FRYL: variants seen among roughly 807,000 people sequenced by gnomAD.
The protein encoded by FRYL is FRY like transcription coactivator, also known as protein furry homolog-like.
FRYL carries 150 observed loss-of-function variants against 351.2 expected under a neutral mutation model. The observed-to-expected ratio is 0.43, with a 90% confidence interval of 0.37 to 0.49. FRYL has a LOEUF of 0.49. Ranked by LOEUF, FRYL falls within the 20% of genes least tolerant of loss-of-function variation. The probability of loss-of-function intolerance (pLI) is 0.00; values close to 1 mark genes in which losing one functional copy is unlikely to be tolerated. For synonymous variants in FRYL, 1,153 were observed against 1,257.1 expected, an observed-to-expected ratio of 0.92 and a Z score of 1.75; for missense variants, 3,036 against 3,619.3, an observed-to-expected ratio of 0.84 and a Z score of 4.13.
chr4:48,608,906 T>C (rs940994745), intron 9 of FRYL, 81 bp downstream of exon 9: 5 of 843,364 alleles, frequency 5.9e-6, no homozygotes, highest in African/African-American at 1.7e-5. Context: ...GATTTCGAAC[T>C]ATCAGTATCT....
chr4:48,532,891 A>G (rs1181524338), intron 49 of FRYL, among the ~76,000 whole-genome samples: 1 of 152,214 alleles, frequency 6.6e-6, no homozygotes, highest in African/African-American at 2.4e-5. Context: ...AGCAGCTGTG[A>G]TGAGCCATCA....
chr4:48,535,247 T>C (rs1458416770), intron 48 of FRYL, among the ~76,000 whole-genome samples: 1 of 152,112 alleles, frequency 6.6e-6, no homozygotes, highest in Non-Finnish European at 1.5e-5. Context: ...CCTAATTTTG[T>C]AGAAATAAAA....
chr4:48,720,505 A>AAAAT (rs1287649733), intron 1 of FRYL, among the ~76,000 whole-genome samples: 4 of 152,126 alleles, frequency 2.6e-5, no homozygotes, highest in East Asian at 1.9e-4. Context: ...CTCAAAAAAT[A>AAAAT]AAATAAATAA....
intron 55 of FRYL, 37 bp from the exon 56 acceptor site, chr4:48,515,312 C>T (rs1000233150): frequency 1.2e-5 from 18 of 1,475,372 alleles, no homozygotes; most frequent in Non-Finnish European, 1.7e-5. Flanking sequence ...ACTATAAACA[C>T]ATAAAAAAAG....
chr4:48,505,770 A>T, intron 59 of FRYL, 155 bp from the exon 60 acceptor site: 1 of 540,324 alleles, frequency 1.9e-6, no homozygotes, highest in Non-Finnish European at 3.3e-6. Flanking sequence ...TCAATCATTT[A>T]TATGGAACTA....
intron 2 of FRYL, among the ~76,000 whole-genome samples, chr4:48,698,321 C>G (rs1766403209): frequency 6.6e-6 from 1 of 152,214 alleles, no homozygotes; most frequent in Non-Finnish European, 1.5e-5. Context: ...AGCTAGCTAA[C>G]TGATGACTTT....
chr4:48,716,191 T>A (rs1427708250), intron 1 of FRYL, among the ~76,000 whole-genome samples: 9 of 151,658 alleles, frequency 5.9e-5, no homozygotes, highest in African/African-American at 9.7e-5. Context: ...AACCTAGGCA[T>A]TACCATTCAG....
rs1278425826 is a variant in FRYL, at chr4:48,498,605, G to A, written c.*817C>T. ...GAGAACTGAGCAGCATTCCAATAACGTTAACAGATATATTATTTCTTTTTG... is the reference window on the plus strand; with the variant it reads ...GAGAACTGAGCAGCATTCCAATAACATTAACAGATATATTATTTCTTTTTG... On this transcript the variant is annotated 3_prime_UTR_variant, in exon 64 of 64. Coordinates refer to ENST00000358350, the MANE Select transcript of FRYL (RefSeq NM_015030.2). 2.0e-5 allele frequency: 3 copies of A among 152,636 alleles called. No homozygotes were observed. The highest frequency in any genetic ancestry group is 2.1e-4 in the South Asian group (1 of 4,812). 9.5% of individuals were successfully genotyped at this position (152,636 alleles called of 1,614,324 possible).
chr4:48,540,350 C>T lies in FRYL; in HGVS notation c.6295+3G>A. The T allele has an allele frequency of 6.2e-7, 1 of 1,609,994 alleles. No homozygotes were observed. On this transcript the variant is annotated splice_donor_region_variant and intron_variant, in intron 46 of 63. Transcript: ENST00000358350. ...AGTGCTGGTGCAATTATATTAACATCACCTGACAATTGGGAAGGATCCACC... is the reference window on the plus strand; with the variant it reads ...AGTGCTGGTGCAATTATATTAACATTACCTGACAATTGGGAAGGATCCACC...
chr4:48,671,616 G>A (rs948108826), intron 3 of FRYL, among the ~76,000 whole-genome samples: 2 of 151,764 alleles, frequency 1.3e-5, no homozygotes, highest in Admixed American at 1.3e-4. Flanking sequence ...GTGGTGAGCC[G>A]AGATTGCACC....
At chr4:48,504,293 G>A (rs1243619519) in intron 60 of FRYL, among the ~76,000 whole-genome samples, 1 of 152,070 alleles carries the variant, frequency 6.6e-6, no homozygotes, top group Non-Finnish European at 1.5e-5. Flanking sequence ...AATATGAAAG[G>A]TGAGCTGAAA....
intron 6 of FRYL, among the ~76,000 whole-genome samples, chr4:48,619,705 T>C (rs1236147213): frequency 6.6e-6 from 1 of 152,098 alleles, no homozygotes; most frequent in Admixed American, 6.6e-5. Flanking sequence ...TCTCCCTATA[T>C]TGCCCAGACT....
At chr4:48,599,687 T>C (rs1477699154) in intron 13 of FRYL, among the ~76,000 whole-genome samples, 3 of 152,212 alleles carry the variant, frequency 2.0e-5, no homozygotes, top group African/African-American at 7.2e-5. Flanking sequence ...CACAAATCCA[T>C]GCTGGCTCCC....
chr4:48,586,206 A>G (rs569925117), intron 19 of FRYL, among the ~76,000 whole-genome samples: 62 of 152,168 alleles, frequency 4.1e-4, no homozygotes, highest in Non-Finnish European at 4.9e-4. Flanking sequence ...CATAGGGGGA[A>G]AAAAAAGCAC....
chr4:48,572,075 A>G (rs1425252912), intron 26 of FRYL: 1 of 825,694 alleles, frequency 1.2e-6, no homozygotes, highest in Non-Finnish European at 1.5e-6. Context: ...GGAATTGCAG[A>G]TGATGTTTCA....
Position 48,570,884 on chromosome 4 carries a change from C to T in FRYL, c.2939G>A (p.Arg980Gln). The change falls in exon 27 of 64, where the codon CGA becomes CAA. Residue 980 changes from arginine (R) to glutamine (Q), a missense_variant. Coordinates refer to ENST00000358350, the MANE Select transcript of FRYL (RefSeq NM_015030.2). ...TTCAAATATTCGTACCAGTTGTACT[C>T]GTAAAATGTCTCGACGCCTGCGCCG... ...MKRRRRRDIL[R>Q]VQLVRIFELL... The T allele has an allele frequency of 6.2e-7, 1 of 1,613,820 alleles. No individual in the cohort carries two copies. Among genetic ancestry groups the T allele is most frequent in the Non-Finnish European group, 8.5e-7 (1 of 1,179,772 alleles).
chr4:48,660,394 A>G (rs970045553), intron 3 of FRYL, among the ~76,000 whole-genome samples: 1 of 152,200 alleles, frequency 6.6e-6, no homozygotes, highest in Non-Finnish European at 1.5e-5. Context: ...GGAGGGACCC[A>G]CCACTCCCAG....
intron 35 of FRYL, among the ~76,000 whole-genome samples, chr4:48,555,316 G>A (rs1733825822): frequency 6.6e-6 from 1 of 152,160 alleles, no homozygotes; most frequent in African/African-American, 2.4e-5. Flanking sequence ...GAATCAAATA[G>A]ACAAAAACTA....
chr4:48,601,679 G>A (rs1745725734), intron 13 of FRYL, among the ~76,000 whole-genome samples: 1 of 152,040 alleles, frequency 6.6e-6, no homozygotes, highest in Admixed American at 6.6e-5. Flanking sequence ...TTTCTCAAAA[G>A]ACAAAATAAG....
Sources: allele counts gnomAD v4.1 joint callset (sites outside exome capture counted in the v4.1 genomes callset), GRCh38; gene constraint gnomAD v4.1.1; transcripts MANE v1.5; gene names NCBI Gene and HGNC (gene_info 2026-07-23, HGNC 2026-07-21).